GABRG3: variants seen among roughly 807,000 people sequenced by gnomAD.
GABRG3 encodes gamma-aminobutyric acid type A receptor subunit gamma3.
In GABRG3, 25 loss-of-function variants were observed where a neutral mutation model predicts 48.8. That is an observed-to-expected ratio of 0.51 (90% CI 0.37 to 0.72). GABRG3 has a LOEUF of 0.72. Among genes scored for constraint, GABRG3 ranks in the 30% least tolerant of loss-of-function variants. GABRG3 has a pLI of 0.00. For synonymous variants in GABRG3, 227 were observed against 217.6 expected (o/e 1.04, Z -0.38); for missense variants, 394 against 577.9 (o/e 0.68, Z 3.26).
In GABRG3 at chr15:27,249,092, A is replaced by G. The variant is rs563672140; in HGVS notation, c.271-77717A>G. Among the ~76,000 whole-genome samples, 5 of 152,312 alleles carry G rather than the reference A, an allele frequency of 3.3e-5. No individual in the cohort carries two copies. The South Asian group carries it at 1.0e-3, about 32-fold the overall frequency. Reference sequence around the variant, plus strand: ...GACAATGCATACAAAGGAATATTCAACACGCGACCTGGGTGATGTGGGCTG... The same window carrying G: ...GACAATGCATACAAAGGAATATTCAGCACGCGACCTGGGTGATGTGGGCTG... On this transcript the variant is annotated intron_variant, in intron 3 of 9. Coordinates refer to ENST00000615808, the MANE Select transcript of GABRG3 (RefSeq NM_033223.5).
At chr15:27,229,392 T>C (rs1889726324) in intron 3 of GABRG3, among the ~76,000 whole-genome samples, 1 of 152,184 alleles carries the variant, frequency 6.6e-6, no homozygotes, top group Non-Finnish European at 1.5e-5. Context: ...GCTATAGATG[T>C]GCAGCCAGCC....
intron 5 of GABRG3, among the ~76,000 whole-genome samples, chr15:27,417,735 T>G (rs76853506): frequency 1.3e-5 from 2 of 152,164 alleles, no homozygotes; most frequent in African/African-American, 4.8e-5. Flanking sequence ...GTATTTTTCG[T>G]TTTTCCCCTT....
intron 3 of GABRG3, among the ~76,000 whole-genome samples, chr15:27,271,800 G>A (rs1359416213): frequency 6.6e-6 from 1 of 152,322 alleles, no homozygotes; most frequent in East Asian, 1.9e-4. Context: ...GGGAGGTCTG[G>A]AGGAAGCTTT....
In GABRG3 at chr15:27,310,465, G is replaced by A. The variant is rs578138160; in HGVS notation, c.271-16344G>A. On this transcript the variant is annotated intron_variant, in intron 3 of 9. Transcript: ENST00000615808. ...AGTTAACTATAAACCATTAATGAGA[G>A]AAATTAAAAGAGACCTAAATAAAGG... Among the ~76,000 whole-genome samples the A allele has an allele frequency of 3.9e-5, 6 of 152,104 alleles. No individual in the cohort carries two copies. In the East Asian group the frequency reaches 9.6e-4, roughly 24 times the overall value.
intron 5 of GABRG3, among the ~76,000 whole-genome samples, chr15:27,338,685 G>A (rs1468859909): frequency 6.6e-6 from 1 of 152,280 alleles, no homozygotes; most frequent in South Asian, 2.1e-4. Context: ...AGACAGTAAG[G>A]TGCCTGAACT....
At chr15:27,396,233 G>A (rs1237768370) in intron 5 of GABRG3, among the ~76,000 whole-genome samples, 1 of 152,100 alleles carries the variant, frequency 6.6e-6, no homozygotes, top group Non-Finnish European at 1.5e-5. Flanking sequence ...TTACATACTG[G>A]AAGAAAATCA....
chr15:27,391,644 C>G (rs72705713), intron 5 of GABRG3, among the ~76,000 whole-genome samples: 7,500 of 152,166 alleles, frequency 0.049, 298 homozygotes, highest in East Asian at 0.18. Context: ...GGATTAAAAA[C>G]TCACCTGATT....
At chr15:27,378,087 G>T (rs1895654033) in intron 5 of GABRG3, among the ~76,000 whole-genome samples, 1 of 151,686 alleles carries the variant, frequency 6.6e-6, no homozygotes, top group Non-Finnish European at 1.5e-5. Flanking sequence ...CTTGTACTAT[G>T]TATGATATCC....
intron 2 of GABRG3, among the ~76,000 whole-genome samples, chr15:27,018,511 T>A (rs1361465550): frequency 6.6e-6 from 1 of 152,228 alleles, no homozygotes; most frequent in Non-Finnish European, 1.5e-5. Flanking sequence ...GACAATAACC[T>A]TATCTTTATC....
At position 26,976,752 on chromosome 15, in the gene GABRG3, A is replaced by T. The variant is rs1342658634; in HGVS notation, c.54-250A>T. Among the ~76,000 whole-genome samples, 3 of 152,036 alleles carry T rather than the reference A, an allele frequency of 2.0e-5. No individual in the cohort carries two copies. Among genetic ancestry groups the T allele is most frequent in the Admixed American group, 1.3e-4 (2 of 15,266 alleles). ...CCACGTTGTCTGTAGTTTAACTGGGATGGGGGATGGTCTTCTGGCATTTAA... is the reference window on the plus strand; with the variant it reads ...CCACGTTGTCTGTAGTTTAACTGGGTTGGGGGATGGTCTTCTGGCATTTAA... On this transcript the variant is annotated intron_variant, in intron 1 of 9. Transcript: ENST00000615808. This position sits in a 1 kb window ranked among gnomAD's most constrained non-coding sequence, Gnocchi z 7.8.
rs546393738 is a variant in GABRG3 at position 27,134,142 on chromosome 15, C to T, written c.270+107321C>T. Among the ~76,000 whole-genome samples, 3 of 152,278 alleles carry T rather than the reference C, an allele frequency of 2.0e-5. No individual in the cohort carries two copies. The East Asian group carries it at 5.8e-4, about 29-fold the overall frequency. ...CATCAGAAAGAATGATCTTACACTT[C>T]CTTCATTTTATTCTTTAGGGAGTTA... On this transcript the variant is annotated intron_variant, in intron 3 of 9. Coordinates refer to ENST00000615808, the MANE Select transcript of GABRG3 (RefSeq NM_033223.5).
Position 27,171,507 on chromosome 15 carries a change from C to CATATATATATATATATAT in GABRG3, c.270+144703_270+144704insTATATATATATATATATA, listed in dbSNP as rs57913193. ...AAATTGTGTGTGTGTGCATGTCTAA[C>CATATATATATATATATAT]ATATATATATATATATACATATACA... On this transcript the variant is annotated intron_variant, in intron 3 of 9. Transcript: ENST00000615808. Among the ~76,000 whole-genome samples the CATATATATATATATATAT allele has an allele frequency of 1.4e-3, 200 of 144,320 alleles. 1 individual carries two copies. The highest frequency in any genetic ancestry group is 2.5e-3 in the Non-Finnish European group (168 of 66,222). 94.7% of individuals were successfully genotyped at this position (144,320 alleles called of 152,430 possible). A position where few individuals can be genotyped will look rare whatever the true frequency, so the allele number is the denominator to read the frequency against.
At chr15:27,433,048 T>C (rs771796942) in intron 5 of GABRG3, among the ~76,000 whole-genome samples, 4 of 152,244 alleles carry the variant, frequency 2.6e-5, no homozygotes, top group Non-Finnish European at 4.4e-5. Flanking sequence ...TCCAAGATGA[T>C]GTAGATTTTC....
At chr15:27,466,131 G>A (rs1889601965) in intron 5 of GABRG3, among the ~76,000 whole-genome samples, 1 of 152,194 alleles carries the variant, frequency 6.6e-6, no homozygotes, top group South Asian at 2.1e-4. Context: ...GCACTGAGTT[G>A]AGAAATCTCT....
At chr15:26,991,795 A>C (rs959216752) in intron 2 of GABRG3, among the ~76,000 whole-genome samples, 2 of 151,696 alleles carry the variant, frequency 1.3e-5, no homozygotes, top group African/African-American at 4.8e-5. Flanking sequence ...ATCTCGGCTC[A>C]CTGCAACCTC....
intron 3 of GABRG3, among the ~76,000 whole-genome samples, chr15:27,091,267 T>C (rs887098563): frequency 6.6e-6 from 1 of 152,244 alleles, no homozygotes; most frequent in East Asian, 1.9e-4. Flanking sequence ...ATTCTGTTAA[T>C]GTGATGTATT....
chr15:27,006,490 T>C (rs376821647), intron 2 of GABRG3, among the ~76,000 whole-genome samples: 4 of 152,174 alleles, frequency 2.6e-5, no homozygotes, highest in African/African-American at 9.7e-5. Context: ...CGTGAGCCAC[T>C]GTGCCCGGCC....
intron 3 of GABRG3, among the ~76,000 whole-genome samples, chr15:27,153,858 A>G (rs1898368202): frequency 6.6e-6 from 1 of 152,162 alleles, no homozygotes; most frequent in Admixed American, 6.5e-5. Flanking sequence ...AATCTGTGTC[A>G]TATCTGAATC....
In GABRG3 at chr15:27,140,152, A is replaced by G. The variant is rs560787551; in HGVS notation, c.270+113331A>G. Among the ~76,000 whole-genome samples the G allele has an allele frequency of 1.8e-4, 27 of 152,308 alleles. No homozygotes were observed. The South Asian group carries it at 5.6e-3, about 32-fold the overall frequency. Reference sequence around the variant, plus strand: ...TTCACTGAGTTCTGTGAGATGTTCTAGCACATTAACCAAACACAAATAGGG... The same window carrying G: ...TTCACTGAGTTCTGTGAGATGTTCTGGCACATTAACCAAACACAAATAGGG... On this transcript the variant is annotated intron_variant, in intron 3 of 9. Coordinates refer to ENST00000615808, the MANE Select transcript of GABRG3 (RefSeq NM_033223.5).
Sources: allele counts gnomAD v4.1 joint callset (sites outside exome capture counted in the v4.1 genomes callset), GRCh38; gene constraint gnomAD v4.1.1; non-coding constraint Gnocchi (gnomAD v3.1); transcripts MANE v1.5; gene names NCBI Gene and HGNC (gene_info 2026-07-23, HGNC 2026-07-21).